G3BP2: variants seen among roughly 807,000 people sequenced by gnomAD.
The protein encoded by G3BP2 is G3BP stress granule assembly factor 2, also known as ras GTPase-activating protein-binding protein 2.
In G3BP2, 11 loss-of-function variants were observed where a neutral mutation model predicts 56.7. The ratio of observed to expected loss-of-function variants is 0.19; its 90% CI spans 0.12 to 0.32. G3BP2 has a LOEUF of 0.32. Ranked by LOEUF, G3BP2 falls within the 10% of genes least tolerant of loss-of-function variation. G3BP2 has a pLI of 1.00. For missense variants in G3BP2, 340 were observed against 610.9 expected (o/e 0.56, Z 4.67); for synonymous variants, 165 against 191.6 (o/e 0.86, Z 1.15).
chr4:75,664,325 C>G (rs1732818583), intron 1 of G3BP2, among the ~76,000 whole-genome samples: 1 of 151,988 alleles, frequency 6.6e-6, no homozygotes, highest in Non-Finnish European at 1.5e-5. Context: ...GCCTGTAATC[C>G]CAGCACTTCA....
At chr4:75,683,378 G>A (rs538573541) in intron 3 of G3BP2, among the ~76,000 whole-genome samples, 44 of 152,058 alleles carry the variant, frequency 2.9e-4, no homozygotes, top group Admixed American at 2.5e-3. Flanking sequence ...CCTGGCCAAC[G>A]TGGTGCGAAA....
chr4:75,669,025 C>A (rs977966453), intron 1 of G3BP2, among the ~76,000 whole-genome samples: 6 of 152,158 alleles, frequency 3.9e-5, no homozygotes, highest in African/African-American at 1.4e-4. Context: ...CGAATGACTT[C>A]TCAATCCTCC....
At chr4:75,656,216 TCCTGGCCTCAAGTGATCCACCCGC>T in intron 5 of G3BP2, among the ~76,000 whole-genome samples, 1 of 152,004 alleles carries the variant, frequency 6.6e-6, no homozygotes, top group East Asian at 1.9e-4. Flanking sequence ...GGTCCCGAAC[TCCTGGCCTCAAGTGATCCACCCGC>T]CCTGGCCTCC....
chr4:75,713,431 A>T (rs764961711), intron 3 of G3BP2, among the ~76,000 whole-genome samples: 1 of 152,170 alleles, frequency 6.6e-6, no homozygotes, highest in Non-Finnish European at 1.5e-5. Context: ...CAAGGGGAAA[A>T]AATAGTAACT....
chr4:75,715,122 C>T (rs1236161354), intron 3 of G3BP2, among the ~76,000 whole-genome samples: 1 of 152,178 alleles, frequency 6.6e-6, no homozygotes, highest in African/African-American at 2.4e-5. Context: ...AGGCTTCTCT[C>T]TCTGTGAAAC....
In G3BP2 at chr4:75,661,899, TA is replaced by T. The variant is rs1421833583; in HGVS notation, c.95+31del. The T allele has an allele frequency of 6.8e-6, 8 of 1,177,750 alleles. No individual in the cohort carries two copies. The East Asian group carries it at 1.9e-4, about 28-fold the overall frequency. 73.0% of individuals were successfully genotyped at this position (1,177,750 alleles called of 1,614,324 possible). ...AGTCATACCCAAGAAAAAAAGTAGA[TA>T]AAAATACCAAATTATTTGTTTAAAA... On this transcript the variant is annotated intron_variant, in intron 2 of 11. Coordinates refer to ENST00000359707, the MANE Select transcript of G3BP2 (RefSeq NM_203505.3).
intron 1 of G3BP2, among the ~76,000 whole-genome samples, chr4:75,666,995 T>C (rs980903852): frequency 5.3e-5 from 8 of 152,102 alleles, no homozygotes; most frequent in African/African-American, 1.2e-4. Flanking sequence ...TCTACAAAGA[T>C]AGCCAAGAAG....
intron 1 of G3BP2, among the ~76,000 whole-genome samples, chr4:75,664,839 ACT>A (rs915863399): frequency 2.0e-4 from 31 of 151,982 alleles, no homozygotes; most frequent in African/African-American, 7.5e-4. Context: ...ACTGAGTAAG[ACT>A]CTGTCTCAAA....
intron 9 of G3BP2, among the ~76,000 whole-genome samples, 196 bp from the exon 10 acceptor site, chr4:75,647,353 G>T (rs1283821813): frequency 6.6e-6 from 1 of 152,124 alleles, no homozygotes; most frequent in African/African-American, 2.4e-5. Context: ...GTAAAGTGAG[G>T]ACAATGACTA....
intron 3 of G3BP2, among the ~76,000 whole-genome samples, chr4:75,692,420 T>C (rs1718897361): frequency 6.6e-6 from 1 of 152,112 alleles, no homozygotes; most frequent in Admixed American, 6.6e-5. Flanking sequence ...CAAGCAATTC[T>C]CCTGCCTAAG....
chr4:75,662,003 G>A lies in G3BP2; in HGVS notation c.23C>T (p.Pro8Leu), dbSNP rs753193049. ...CACAAACTCCCGCCCTACAAGCAGC[G>A]GACTGGGCTTCTCCATAACCATTTC... Reference protein sequence around the residue: MVMEKPSPLLVGREFVRQ... With the variant: MVMEKPSLLLVGREFVRQ... Residue 8 changes from proline to leucine, a missense_variant, in exon 2 of 12, where the codon CCG becomes CTG. Around this residue, in one of 4 missense-constraint regions of G3BP2, gnomAD observed 21 missense variants for 83.7 expected, o/e 0.25. Transcript: ENST00000359707. 6.2e-7 allele frequency: 1 copy of A among 1,610,976 alleles called. No homozygotes were observed. The highest frequency in any genetic ancestry group is 8.5e-7 in the Non-Finnish European group (1 of 1,177,366).
At chr4:75,664,717 A>T (rs1011731135) in intron 1 of G3BP2, among the ~76,000 whole-genome samples, 2 of 152,082 alleles carry the variant, frequency 1.3e-5, no homozygotes, top group African/African-American at 4.8e-5. Context: ...AGCTGATGGC[A>T]CACACCTGTA....
intron 1 of G3BP2, among the ~76,000 whole-genome samples, chr4:75,662,824 G>T (rs1260794882): frequency 6.6e-6 from 1 of 152,082 alleles, no homozygotes; most frequent in Non-Finnish European, 1.5e-5. Context: ...TACATTCCTG[G>T]ATTCCAGTGG....
chr4:75,644,261 C>A lies in G3BP2; in HGVS notation c.*1169G>T, dbSNP rs1731063413. ...TCCACATTCAGGCTAAGAGAAAAGT[C>A]AACTAGAGGCTTACTCAAATAACTG... On this transcript the variant is annotated 3_prime_UTR_variant, in exon 12 of 12. Transcript: ENST00000359707. The A allele has an allele frequency of 6.6e-6, 1 of 152,472 alleles. No homozygotes were observed. Among genetic ancestry groups the A allele is most frequent in the African/African-American group, 2.4e-5 (1 of 41,412 alleles). The allele number at this position is 152,472 out of a possible 1,614,324, so 9.4% of individuals were successfully genotyped here.
At chr4:75,673,743 C>T (rs372636605), upstream of G3BP2, 1,866 of 531,568 alleles carry the variant, frequency 3.5e-3, 8 homozygotes, top group South Asian at 0.01. Context: ...AACGCAGTGT[C>T]TTTTGTAGAC....
In G3BP2 at chr4:75,644,295, C is replaced by T. The variant is rs1347217030; in HGVS notation, c.*1135G>A. 2 of 152,514 alleles carry T rather than the reference C, an allele frequency of 1.3e-5. No homozygotes were observed. The highest frequency in any genetic ancestry group is 2.9e-5 in the Non-Finnish European group (2 of 68,022). The allele number at this position is 152,514 out of a possible 1,614,324, so 9.4% of individuals were successfully genotyped here. ...GCTTACTCAAATAACTGACTTCCTC[C>T]TTCCCTCTCCCCACAAACACACAGG... On this transcript the variant is annotated 3_prime_UTR_variant, in exon 12 of 12. Transcript: ENST00000359707.
intron 3 of G3BP2, among the ~76,000 whole-genome samples, chr4:75,692,456 C>T (rs551707574): frequency 1.3e-5 from 2 of 152,026 alleles, no homozygotes; most frequent in East Asian, 1.9e-4. Flanking sequence ...GGACTACAGG[C>T]GCGGGCCACC....
intron 3 of G3BP2, among the ~76,000 whole-genome samples, chr4:75,710,721 C>T (rs964734348): frequency 1.3e-5 from 2 of 151,696 alleles, no homozygotes; most frequent in Admixed American, 6.6e-5. Flanking sequence ...GGCTAGAGTG[C>T]AGTAGTGTAA....
intron 3 of G3BP2, among the ~76,000 whole-genome samples, chr4:75,715,620 C>G (rs142683064): frequency 0.011 from 1,664 of 152,338 alleles, 35 homozygotes; most frequent in African/African-American, 0.038. Flanking sequence ...AAGGCCTAGC[C>G]TCTGGCCAGA....
Sources: gnomAD v4.1 joint callset for allele counts (sites outside exome capture counted in the v4.1 genomes callset) on GRCh38, gnomAD v4.1.1 for gene constraint, gnomAD v4.1.1 regional missense constraint, MANE v1.5 for transcripts, NCBI Gene and HGNC (gene_info 2026-07-23, HGNC 2026-07-21) for gene names.